LSM3: variants seen among roughly 807,000 people sequenced by gnomAD.
The protein encoded by LSM3 is LSM3 homolog, U6 small nuclear RNA and mRNA degradation associated.
LSM3 carries 14 observed loss-of-function variants against 15.4 expected under a neutral mutation model. The observed-to-expected ratio is 0.91, with a 90% confidence interval of 0.60 to 1.42. The LOEUF is 1.42. Ranked by LOEUF, LSM3 falls within the 40% of genes most tolerant of loss-of-function variation. The pLI is 0.00. For missense variants in LSM3, 88 were observed against 127.9 expected (o/e 0.69, Z 1.50); for synonymous variants, 46 against 45.1 (o/e 1.02, Z -0.08).
chr3:14,201,087 T>TA lies in LSM3; in HGVS notation c.*2975dup, dbSNP rs1263305960. 1 of 152,260 alleles carries TA rather than the reference T, an allele frequency of 6.6e-6. No individual in the cohort carries two copies. The highest frequency in any genetic ancestry group is 1.5e-5 in the Non-Finnish European group (1 of 68,040). 9.4% of individuals were successfully genotyped at this position (152,260 alleles called of 1,614,324 possible). ...AGCTGTGTTCAATGTAGAAAATTAA[T>TA]AAAAGTTCCAGGAGTCATCCTGGCT... On this transcript the variant is annotated 3_prime_UTR_variant, in exon 4 of 4. Coordinates refer to ENST00000306024, the MANE Select transcript of LSM3 (RefSeq NM_014463.3).
At chr3:14,185,081 T>G (rs568423682) in intron 3 of LSM3, among the ~76,000 whole-genome samples, 1 of 149,842 alleles carries the variant, frequency 6.7e-6, no homozygotes, top group South Asian at 2.1e-4. Context: ...CTGGGTGCAG[T>G]GGCTCATGCC....
At chr3:14,192,555 C>T (rs369522856) in intron 3 of LSM3, among the ~76,000 whole-genome samples, 2 of 152,088 alleles carry the variant, frequency 1.3e-5, no homozygotes, top group Admixed American at 6.6e-5. Flanking sequence ...TCTCTTTTGA[C>T]CTTTGTTGGT....
At chr3:14,190,791 G>C (rs774820512) in intron 3 of LSM3, among the ~76,000 whole-genome samples, 18 of 152,050 alleles carry the variant, frequency 1.2e-4, no homozygotes, top group Non-Finnish European at 2.2e-4. Flanking sequence ...GCTTTCTCTT[G>C]CCTGATTGCC....
chr3:14,188,001 C>T (rs558850415), intron 3 of LSM3, among the ~76,000 whole-genome samples: 1 of 152,194 alleles, frequency 6.6e-6, no homozygotes, highest in African/African-American at 2.4e-5. Context: ...CTCTTGGGGA[C>T]GTTGTGCCCT....
chr3:14,184,693 C>A (rs1346736032), intron 3 of LSM3, among the ~76,000 whole-genome samples: 1 of 142,928 alleles, frequency 7.0e-6, no homozygotes, highest in Non-Finnish European at 1.5e-5. Context: ...GGAGGCGGAG[C>A]TTGCAGTGAG....
At chr3:14,195,007 C>G (rs945734062) in intron 3 of LSM3, among the ~76,000 whole-genome samples, 5 of 151,936 alleles carry the variant, frequency 3.3e-5, no homozygotes, top group African/African-American at 9.7e-5. Context: ...ACAGGTACCC[C>G]CTAAACATGT....
chr3:14,189,864 T>G lies in LSM3; in HGVS notation c.228+5832T>G, dbSNP rs144509081. Among the ~76,000 whole-genome samples the G allele has an allele frequency of 5.0e-3, 760 of 152,352 alleles. 10 individuals are homozygous for G. Among genetic ancestry groups the G allele is most frequent in the African/African-American group, 0.017 (723 of 41,572 alleles). On this transcript the variant is annotated intron_variant, in intron 3 of 3. Transcript: ENST00000306024. The stretch of plus-strand genomic sequence containing the variant: ...TGCTTTTGGTGTTTTAGACATGAAG[T>G]CTTTGCCCATGCCTATGTCCTGAAT...
At chr3:14,196,422 A>G (rs1559393618) in intron 3 of LSM3, among the ~76,000 whole-genome samples, 1 of 152,212 alleles carries the variant, frequency 6.6e-6, no homozygotes, top group Non-Finnish European at 1.5e-5. Flanking sequence ...CCGTCAGACC[A>G]CATGTGGTCA....
At chr3:14,185,218 G>A (rs985675921) in intron 3 of LSM3, among the ~76,000 whole-genome samples, 7 of 151,964 alleles carry the variant, frequency 4.6e-5, no homozygotes, top group South Asian at 2.1e-4. Context: ...CGGCCGTGGC[G>A]GCAGGCACTG....
chr3:14,185,855 ATTTC>A (rs1697083595), intron 3 of LSM3, among the ~76,000 whole-genome samples: 1 of 151,960 alleles, frequency 6.6e-6, no homozygotes, highest in Admixed American at 6.5e-5. Flanking sequence ...GATTCATTTT[ATTTC>A]TTCAGTGTTT....
At chr3:14,182,900 C>T (rs4420841) in intron 2 of LSM3, among the ~76,000 whole-genome samples, 3,345 of 152,178 alleles carry the variant, frequency 0.022, 204 homozygotes, top group East Asian at 0.22. Context: ...ACTGTGGTTC[C>T]GCCTTCCACA....
Position 14,198,391 on chromosome 3 carries a change from AC to A in LSM3, c.*276del. 2 of 408,240 alleles carry A rather than the reference AC, an allele frequency of 4.9e-6. No homozygotes were observed. Among genetic ancestry groups the A allele is most frequent in the South Asian group, 4.4e-5 (1 of 22,610 alleles). 25.3% of individuals were successfully genotyped at this position (408,240 alleles called of 1,614,324 possible). A position where few individuals can be genotyped will look rare whatever the true frequency, so the allele number is the denominator to read the frequency against. ...TGCTCCATTATTCTCACAGATACTT[AC>A]TGATTTTTCTTTTCTTTAAATTGGT... On this transcript the variant is annotated 3_prime_UTR_variant, in exon 4 of 4. Coordinates refer to ENST00000306024, the MANE Select transcript of LSM3 (RefSeq NM_014463.3).
intron 3 of LSM3, among the ~76,000 whole-genome samples, chr3:14,192,713 G>A (rs1265045176): frequency 2.6e-5 from 4 of 152,110 alleles, no homozygotes; most frequent in Non-Finnish European, 5.9e-5. Context: ...CACACTGATG[G>A]GTCTTGACTC....
rs1185831483 is a variant in LSM3 at position 14,200,574 on chromosome 3, T to C, written c.*2458T>C. The stretch of plus-strand genomic sequence containing the variant: ...CTCTTCAGCAAGTATCATGCCTGGA[T>C]CCCGGTCTTGGTTGTTTTATGAGAG... On this transcript the variant is annotated 3_prime_UTR_variant, in exon 4 of 4. Coordinates refer to ENST00000306024, the MANE Select transcript of LSM3 (RefSeq NM_014463.3). 6.6e-6 allele frequency: 1 copy of C among 152,166 alleles called. No homozygotes were observed. The allele number at this position is 152,166 out of a possible 1,614,324, so 9.4% of individuals were successfully genotyped here.
At chr3:14,193,203 CTTA>C in intron 3 of LSM3, among the ~76,000 whole-genome samples, 1 of 152,258 alleles carries the variant, frequency 6.6e-6, no homozygotes, top group Middle Eastern at 3.4e-3. Context: ...TCTGGCTGCC[CTTA>C]ACGTTTTTTC....
At chr3:14,191,369 T>C (rs1697138145) in intron 3 of LSM3, among the ~76,000 whole-genome samples, 2 of 152,238 alleles carry the variant, frequency 1.3e-5, no homozygotes, top group Admixed American at 1.3e-4. Flanking sequence ...TGCCAGCTTC[T>C]CTTTGTACCT....
chr3:14,193,806 A>G, intron 3 of LSM3, among the ~76,000 whole-genome samples: 1 of 152,158 alleles, frequency 6.6e-6, no homozygotes, highest in South Asian at 2.1e-4. Context: ...TTCTCCGTCT[A>G]GCTTTGTTCC....
intron 1 of LSM3, among the ~76,000 whole-genome samples, chr3:14,179,590 A>G (rs1696995307): frequency 6.6e-6 from 1 of 152,170 alleles, no homozygotes; most frequent in Non-Finnish European, 1.5e-5. Context: ...ATTTTTCTTC[A>G]TAGAGAGTTA....
rs914250067 is a variant in LSM3 at position 14,199,942 on chromosome 3, C to G, written c.*1826C>G. On this transcript the variant is annotated 3_prime_UTR_variant, in exon 4 of 4. Transcript: ENST00000306024. ...GGCGTGGGGTGACAGGCCATCTGGC[C>G]TCGCTCTGCCAGTCTGCAGTTCTCC... 1 of 152,264 alleles carries G rather than the reference C, an allele frequency of 6.6e-6. No individual in the cohort carries two copies. The highest frequency in any genetic ancestry group is 1.5e-5 in the Non-Finnish European group (1 of 68,084). The allele number at this position is 152,264 out of a possible 1,614,324, so 9.4% of individuals were successfully genotyped here. A position where few individuals can be genotyped will look rare whatever the true frequency, so the allele number is the denominator to read the frequency against.
Sources: allele counts gnomAD v4.1 joint callset (sites outside exome capture counted in the v4.1 genomes callset), GRCh38; gene constraint gnomAD v4.1.1; transcripts MANE v1.5; gene names NCBI Gene and HGNC (gene_info 2026-07-23, HGNC 2026-07-21).